The following NLGN1 variants were observed in gnomAD, a reference collection of about 807,000 sequenced individuals.
NLGN1 encodes the protein neuroligin 1, also known as neuroligin-1.
In NLGN1, 12 loss-of-function variants were observed where a neutral mutation model predicts 65.5. The ratio of observed to expected loss-of-function variants is 0.18; its 90% CI spans 0.12 to 0.30. The LOEUF is 0.30. NLGN1 is among the 10% of genes least tolerant of loss of function. The probability of loss-of-function intolerance (pLI) is 1.00; values close to 1 mark genes in which losing one functional copy is unlikely to be tolerated. For synonymous variants in NLGN1, 350 were observed against 359.5 expected, an observed-to-expected ratio of 0.97 and a Z score of 0.30; for missense variants, 750 against 1,007.1, an observed-to-expected ratio of 0.74 and a Z score of 3.46.
chr3:174,135,017 G>A (rs1720949726), intron 4 of NLGN1, among the ~76,000 whole-genome samples: 1 of 152,058 alleles, frequency 6.6e-6, no homozygotes, highest in Admixed American at 6.6e-5. Flanking sequence ...CCGCAATTTA[G>A]TGTTCTGCCA....
At chr3:173,414,707 C>T (rs1577342474) in intron 1 of NLGN1, among the ~76,000 whole-genome samples, 1 of 152,040 alleles carries the variant, frequency 6.6e-6, no homozygotes, top group East Asian at 1.9e-4. Context: ...AGGACCTGAA[C>T]ATTAATGTCT....
intron 3 of NLGN1, among the ~76,000 whole-genome samples, chr3:173,779,482 C>T (rs886914580): frequency 7.9e-5 from 3 of 37,772 alleles, no homozygotes; most frequent in Admixed American, 3.5e-4. Context: ...GGTTTTTACT[C>T]TCCCTTATTT....
chr3:174,110,187 C>T lies in NLGN1; in HGVS notation c.647-165128C>T, dbSNP rs1283394493. ...ACTTGGGTGGCTTCTCCTCAGTGAA[C>T]ATTTCCCTGATTTGTAGTTAATTCT... On this transcript the variant is annotated intron_variant, in intron 4 of 6. Transcript: ENST00000457714. 1.1e-4 allele frequency among the ~76,000 whole-genome samples: 17 copies of T among 151,992 alleles called. 1 individual carries two copies. Among genetic ancestry groups the T allele is most frequent in the Admixed American group, 1.1e-3 (17 of 15,220 alleles).
chr3:173,839,542 C>G (rs1040041248), intron 4 of NLGN1, among the ~76,000 whole-genome samples: 1 of 151,976 alleles, frequency 6.6e-6, no homozygotes, highest in Non-Finnish European at 1.5e-5. Flanking sequence ...TCTGCCTCAG[C>G]CTCCCGAGTA....
chr3:174,198,125 A>G (rs908362228), intron 4 of NLGN1, among the ~76,000 whole-genome samples: 2 of 152,196 alleles, frequency 1.3e-5, no homozygotes, highest in Non-Finnish European at 2.9e-5. Context: ...CTATAATATA[A>G]TCATTCTACA....
intron 3 of NLGN1, among the ~76,000 whole-genome samples, chr3:173,791,663 A>G (rs1297637570): frequency 6.6e-6 from 1 of 151,828 alleles, no homozygotes; most frequent in Non-Finnish European, 1.5e-5. Context: ...AAAACAATTG[A>G]TTTATGGTTT....
intron 4 of NLGN1, among the ~76,000 whole-genome samples, chr3:174,233,056 G>A (rs907838908): frequency 1.4e-4 from 21 of 152,286 alleles, no homozygotes; most frequent in Admixed American, 6.5e-4. Context: ...CTCAGTAAAG[G>A]ATGTTTTATT....
chr3:173,968,798 A>G (rs527460702), intron 4 of NLGN1, among the ~76,000 whole-genome samples: 2 of 133,016 alleles, frequency 1.5e-5, no homozygotes, highest in South Asian at 4.7e-4. Context: ...TCCCAGGTTC[A>G]TGTAATTCTT....
intron 4 of NLGN1, among the ~76,000 whole-genome samples, chr3:174,115,339 A>G (rs1279595623): frequency 1.3e-5 from 2 of 152,196 alleles, no homozygotes; most frequent in East Asian, 3.9e-4. Flanking sequence ...AGCACAATAT[A>G]TAATAGCCAC....
chr3:174,272,706 G>GATAT (rs1244579662), intron 4 of NLGN1, among the ~76,000 whole-genome samples: 1 of 145,252 alleles, frequency 6.9e-6, no homozygotes, highest in African/African-American at 2.5e-5. Flanking sequence ...TAGATAGATA[G>GATAT]ATATAGATAG....
In NLGN1 at chr3:174,275,481, T is replaced by A. The variant is rs1242234760; in HGVS notation, c.813T>A (p.Thr271=). 3.1e-6 allele frequency: 5 copies of A among 1,612,342 alleles called. No homozygotes were observed. The South Asian group carries it at 5.5e-5, about 18-fold the overall frequency. ...GGGGTTCATGTGTCAACCTGCTGAC[T>A]TTATCCCATTATTCTGAAGGTAACC... Residue 271 remains threonine, a synonymous_variant, in exon 5 of 7, where the codon ACT becomes ACA. Transcript: ENST00000457714.
chr3:173,739,142 A>C (rs1001740554), intron 3 of NLGN1, among the ~76,000 whole-genome samples: 4 of 151,980 alleles, frequency 2.6e-5, no homozygotes, highest in African/African-American at 9.7e-5. Flanking sequence ...CATGAGTCGT[A>C]CTCATGGAAC....
chr3:174,100,287 A>C (rs9833831), intron 4 of NLGN1, among the ~76,000 whole-genome samples: 8,803 of 152,056 alleles, frequency 0.058, 317 homozygotes, highest in African/African-American at 0.093. Flanking sequence ...AAAAAAAAAA[A>C]AACTTTATTT....
At chr3:174,288,155 A>G (rs1752342630), downstream of NLGN1, among the ~76,000 whole-genome samples, 1 of 151,684 alleles carries the variant, frequency 6.6e-6, no homozygotes, top group African/African-American at 2.4e-5. Context: ...CATGTCTCAA[A>G]ATAGTAAATA....
At chr3:173,450,503 T>G (rs1261114167) in intron 2 of NLGN1, among the ~76,000 whole-genome samples, 2 of 152,188 alleles carry the variant, frequency 1.3e-5, no homozygotes, top group African/African-American at 4.8e-5. Flanking sequence ...CATTTTTTCC[T>G]TCATTTCAAC....
At chr3:173,579,199 T>C (rs2149357612) in intron 2 of NLGN1, among the ~76,000 whole-genome samples, 1 of 152,330 alleles carries the variant, frequency 6.6e-6, no homozygotes, top group South Asian at 2.1e-4. Context: ...TATCTAGTCT[T>C]GGGTAGTCGC....
At chr3:174,239,845 C>G (rs1405077051) in intron 4 of NLGN1, among the ~76,000 whole-genome samples, 2 of 151,414 alleles carry the variant, frequency 1.3e-5, no homozygotes, top group Non-Finnish European at 1.5e-5. Context: ...AAACCATGCT[C>G]AAGGAAAATA....
intron 4 of NLGN1, among the ~76,000 whole-genome samples, chr3:173,881,362 G>A (rs113263180): frequency 6.7e-6 from 1 of 148,764 alleles, no homozygotes; most frequent in Non-Finnish European, 1.5e-5. Flanking sequence ...CTCCCAAATT[G>A]CTGGGATTAC....
chr3:173,926,877 A>G (rs1743095094), intron 4 of NLGN1, among the ~76,000 whole-genome samples: 2 of 152,204 alleles, frequency 1.3e-5, no homozygotes, highest in South Asian at 4.1e-4. Flanking sequence ...CTTCAAAGTT[A>G]TAGGACTATT....
Sources: gnomAD v4.1 joint callset for allele counts (sites outside exome capture counted in the v4.1 genomes callset) on GRCh38, gnomAD v4.1.1 for gene constraint, MANE v1.5 for transcripts, NCBI Gene and HGNC (gene_info 2026-07-23, HGNC 2026-07-21) for gene names.